The following RIC1 variants were observed in gnomAD, a reference collection of about 807,000 sequenced individuals.
The protein encoded by RIC1 is guanine nucleotide exchange factor subunit RIC1.
In RIC1, 88 loss-of-function variants were observed where a neutral mutation model predicts 169.0. That is an observed-to-expected ratio of 0.52 (90% CI 0.44 to 0.62). The LOEUF (loss-of-function observed/expected upper bound fraction) is 0.62, where lower values mean the gene tolerates loss of function less well. Among genes scored for constraint, RIC1 ranks in the 20% least tolerant of loss-of-function variants. The pLI is 0.00. For synonymous variants in RIC1, 790 were observed against 601.5 expected, an observed-to-expected ratio of 1.31 and a Z score of -4.59; for missense variants, 1,877 against 1,725.5, an observed-to-expected ratio of 1.09 and a Z score of -1.56.
chr9:5,764,607 C>A (rs1026203782), intron 19 of RIC1, among the ~76,000 whole-genome samples: 1 of 152,314 alleles, frequency 6.6e-6, no homozygotes, highest in African/African-American at 2.4e-5. Flanking sequence ...GATTTCCTGT[C>A]AGCTTCTTTG....
intron 1 of RIC1, among the ~76,000 whole-genome samples, chr9:5,640,507 G>A (rs566955391): frequency 2.6e-5 from 4 of 152,084 alleles, no homozygotes; most frequent in South Asian, 4.1e-4. Flanking sequence ...TTATTGGTTC[G>A]TTTCATCAGT....
Position 5,763,035 on chromosome 9 carries a change from A to G in RIC1, c.2113-105A>G. 2 of 1,372,440 alleles carry G rather than the reference A, an allele frequency of 1.5e-6. No individual in the cohort carries two copies. The highest frequency in any genetic ancestry group is 2.0e-6 in the Non-Finnish European group (2 of 1,021,828). The allele number at this position is 1,372,440 out of a possible 1,614,324, so 85.0% of individuals were successfully genotyped here. A position where few individuals can be genotyped will look rare whatever the true frequency, so the allele number is the denominator to read the frequency against. On this transcript the variant is annotated intron_variant, in intron 18 of 25. Coordinates refer to ENST00000414202, the MANE Select transcript of RIC1 (RefSeq NM_020829.4). The surrounding 1 kb of genome is among the most constrained non-coding windows in gnomAD (Gnocchi z 5.2). ...TAGATCCCTTTGCTTTTCCCAAAAA[A>G]ATATTATACTATCATTTGAAAGACT...
intron 3 of RIC1, among the ~76,000 whole-genome samples, chr9:5,706,180 CG>C (rs1822573624): frequency 6.6e-6 from 1 of 152,086 alleles, no homozygotes; most frequent in Admixed American, 6.6e-5. Flanking sequence ...ATTAGAAGTC[CG>C]GGGATGGTGG....
intron 1 of RIC1, among the ~76,000 whole-genome samples, chr9:5,635,821 C>T (rs190208002): frequency 6.6e-6 from 1 of 152,342 alleles, no homozygotes; most frequent in East Asian, 1.9e-4. Context: ...TCTCTCTTGC[C>T]TGCCAGCATG....
intron 23 of RIC1, among the ~76,000 whole-genome samples, chr9:5,772,284 G>T (rs1299802079): frequency 2.0e-5 from 3 of 152,204 alleles, no homozygotes; most frequent in Non-Finnish European, 4.4e-5. Flanking sequence ...TGAATGTAAA[G>T]ACTTGGTCAA....
At chr9:5,669,775 C>T (rs1819982745) in intron 2 of RIC1, among the ~76,000 whole-genome samples, 1 of 152,070 alleles carries the variant, frequency 6.6e-6, no homozygotes, top group Non-Finnish European at 1.5e-5. Flanking sequence ...AGCCAAGGAG[C>T]AGTGTGGGAG....
intron 2 of RIC1, among the ~76,000 whole-genome samples, chr9:5,670,743 A>G (rs1820039757): frequency 1.3e-5 from 2 of 152,206 alleles, no homozygotes; most frequent in Non-Finnish European, 2.9e-5. Flanking sequence ...AGGAATTGCA[A>G]TAGAGAAAGT....
chr9:5,736,294 G>A, intron 7 of RIC1, among the ~76,000 whole-genome samples: 1 of 152,186 alleles, frequency 6.6e-6, no homozygotes, highest in East Asian at 1.9e-4. Context: ...TTCTGGGTAT[G>A]ATTGAATGAC....
intron 1 of RIC1, among the ~76,000 whole-genome samples, chr9:5,643,629 C>A (rs192711132): frequency 6.6e-6 from 1 of 152,220 alleles, no homozygotes; most frequent in Admixed American, 6.5e-5. Flanking sequence ...CATTTAGATA[C>A]TCTCCTTACG....
chr9:5,641,863 A>G (rs1280472632), intron 1 of RIC1, among the ~76,000 whole-genome samples: 1 of 144,158 alleles, frequency 6.9e-6, no homozygotes, highest in African/African-American at 2.9e-5. Context: ...CAACATAGCT[A>G]TTTTGAATTC....
intron 12 of RIC1, among the ~76,000 whole-genome samples, chr9:5,749,568 C>G (rs1448188637): frequency 6.6e-6 from 1 of 152,084 alleles, no homozygotes; most frequent in African/African-American, 2.4e-5. Flanking sequence ...CTTAGATGAA[C>G]TCCAACTAAT....
chr9:5,707,679 G>C lies in RIC1; in HGVS notation c.333-6217G>C, dbSNP rs138571950. ...CTTTTGTTTTTTTGTTTGTTTGTTTGTTTGTTTCTGATTTTACCACAGCCA... is the reference window on the plus strand; with the variant it reads ...CTTTTGTTTTTTTGTTTGTTTGTTTCTTTGTTTCTGATTTTACCACAGCCA... On this transcript the variant is annotated intron_variant, in intron 3 of 25. Transcript: ENST00000414202. Among the ~76,000 whole-genome samples, 8 of 151,920 alleles carry C rather than the reference G, an allele frequency of 5.3e-5. No homozygotes were observed. The East Asian group carries it at 5.8e-4, about 11-fold the overall frequency.
chr9:5,744,355 T>C (rs1825259095), intron 10 of RIC1, among the ~76,000 whole-genome samples: 1 of 152,192 alleles, frequency 6.6e-6, no homozygotes, highest in South Asian at 2.1e-4. Flanking sequence ...TCTATATATA[T>C]GTATACAGTA....
intron 2 of RIC1, among the ~76,000 whole-genome samples, chr9:5,667,834 A>G (rs551723655): frequency 3.3e-5 from 5 of 152,086 alleles, no homozygotes; most frequent in African/African-American, 9.7e-5. Flanking sequence ...GTGGATGTCT[A>G]CTGTTCCAAC....
intron 2 of RIC1, among the ~76,000 whole-genome samples, chr9:5,668,417 C>T (rs1039338137): frequency 1.3e-5 from 2 of 152,082 alleles, no homozygotes; most frequent in South Asian, 4.1e-4. Context: ...CTGAGTTTAT[C>T]CTTTTTGGAA....
chr9:5,727,808 C>T (rs1303354088), intron 6 of RIC1, among the ~76,000 whole-genome samples: 1 of 152,244 alleles, frequency 6.6e-6, no homozygotes, highest in African/African-American at 2.4e-5. Flanking sequence ...TGGAGGTCCA[C>T]TCCAGACCCT....
chr9:5,739,976 A>G (rs1268591635), intron 8 of RIC1, among the ~76,000 whole-genome samples: 1 of 152,130 alleles, frequency 6.6e-6, no homozygotes, highest in Non-Finnish European at 1.5e-5. Context: ...GTGTTTCCAC[A>G]ATTTTAGCTC....
chr9:5,711,036 A>G (rs1586994148), intron 3 of RIC1, among the ~76,000 whole-genome samples: 1 of 152,204 alleles, frequency 6.6e-6, no homozygotes, highest in African/African-American at 2.4e-5. Flanking sequence ...AGTTTAAACT[A>G]AATACATCAG....
chr9:5,742,794 A>G (rs1426728122), intron 8 of RIC1, 75 bp from the exon 9 acceptor site: 3 of 1,035,620 alleles, frequency 2.9e-6, no homozygotes, highest in African/African-American at 2.4e-5. Flanking sequence ...TACAGATTGT[A>G]TTTGAAAAAA....
Sources: gnomAD v4.1 joint callset for allele counts (sites outside exome capture counted in the v4.1 genomes callset) on GRCh38, gnomAD v4.1.1 for gene constraint, Gnocchi (gnomAD v3.1) non-coding constraint, MANE v1.5 for transcripts, NCBI Gene and HGNC (gene_info 2026-07-23, HGNC 2026-07-21) for gene names.